XYLB: variants seen among roughly 807,000 people sequenced by gnomAD.
XYLB encodes xylulokinase.
In XYLB, 62 loss-of-function variants were observed where a neutral mutation model predicts 78.7. That is an observed-to-expected ratio of 0.79 (90% CI 0.64 to 0.97). The LOEUF (loss-of-function observed/expected upper bound fraction) is 0.97, where lower values mean the gene tolerates loss of function less well. Among genes scored for constraint, XYLB ranks in the 50% least tolerant of loss-of-function variants. The pLI is 0.00. For missense variants in XYLB, 687 were observed against 676.8 expected, an observed-to-expected ratio of 1.02 and a Z score of -0.17; for synonymous variants, 245 against 247.4, an observed-to-expected ratio of 0.99 and a Z score of 0.09.
chr3:38,401,604 T>A (rs573401630), intron 18 of XYLB, among the ~76,000 whole-genome samples: 1 of 152,322 alleles, frequency 6.6e-6, no homozygotes, highest in Admixed American at 6.5e-5. Context: ...TGAGATGACC[T>A]TTAGAGTTTT....
Position 38,413,547 on chromosome 3 carries a change from G to C in XYLB, c.*534G>C, listed in dbSNP as rs1388730864. 2 of 152,048 alleles carry C rather than the reference G, an allele frequency of 1.3e-5. No individual in the cohort carries two copies. The highest frequency in any genetic ancestry group is 2.4e-5 in the African/African-American group (1 of 41,158). The allele number at this position is 152,048 out of a possible 1,614,324, so 9.4% of individuals were successfully genotyped here. ...TTCTCTCCCACACCCTGCCCTCCTT[G>C]TTTCAGCTGTCTGAGGTGCCTCGCA... On this transcript the variant is annotated 3_prime_UTR_variant, in exon 19 of 19. Transcript: ENST00000207870.
intron 15 of XYLB, among the ~76,000 whole-genome samples, chr3:38,380,295 G>A (rs1209078850): frequency 6.6e-6 from 1 of 152,154 alleles, no homozygotes; most frequent in African/African-American, 2.4e-5. Flanking sequence ...GGCAAAAGGA[G>A]GAGAAAGGGA....
chr3:38,365,981 C>T (rs780964269), intron 6 of XYLB, among the ~76,000 whole-genome samples: 1 of 152,012 alleles, frequency 6.6e-6, no homozygotes, highest in Non-Finnish European at 1.5e-5. Flanking sequence ...GAGGGTACCC[C>T]CTCAATGAGA....
At chr3:38,369,934 T>C in intron 8 of XYLB, 122 bp from the exon 9 acceptor site, 1 of 853,496 alleles carries the variant, frequency 1.2e-6, no homozygotes, top group Non-Finnish European at 2.0e-6. Context: ...ATACCTTCCA[T>C]GAAGAAAGAG....
At chr3:38,410,335 A>G (rs1441544265) in intron 18 of XYLB, among the ~76,000 whole-genome samples, 1 of 152,266 alleles carries the variant, frequency 6.6e-6, no homozygotes, top group African/African-American at 2.4e-5. Flanking sequence ...AGCCATGTGT[A>G]GAAAGCTGAA....
chr3:38,428,117 G>A, the XYLB span, among the ~76,000 whole-genome samples: 7 of 152,246 alleles, frequency 4.6e-5, no homozygotes, highest in African/African-American at 1.7e-4. Flanking sequence ...AATATTAGGG[G>A]ATTTTCCAGA....
At chr3:38,450,952 T>C in the XYLB span, 7 of 152,316 alleles carry the variant, frequency 4.6e-5, no homozygotes, top group South Asian at 8.3e-4. Flanking sequence ...TCAAGTATTG[T>C]TACCGAAACA....
the XYLB span, among the ~76,000 whole-genome samples, chr3:38,442,198 G>A: frequency 6.6e-6 from 1 of 152,202 alleles, no homozygotes; most frequent in Non-Finnish European, 1.5e-5. Flanking sequence ...GCTAAGACTA[G>A]GCCTAGCTAT....
intron 18 of XYLB, among the ~76,000 whole-genome samples, chr3:38,411,293 C>G (rs1332105402): frequency 6.6e-6 from 1 of 151,926 alleles, no homozygotes; most frequent in Non-Finnish European, 1.5e-5. Context: ...AAAAACCAAA[C>G]ACCACATGTT....
intron 15 of XYLB, among the ~76,000 whole-genome samples, chr3:38,394,234 C>G (rs1366304515): frequency 6.6e-6 from 1 of 152,058 alleles, no homozygotes; most frequent in Non-Finnish European, 1.5e-5. Flanking sequence ...TTAATAGAGA[C>G]TTTTGAATTC....
chr3:38,401,106 C>T (rs1202759287), intron 18 of XYLB, 121 bp downstream of exon 18: 4 of 836,060 alleles, frequency 4.8e-6, no homozygotes, highest in Non-Finnish European at 7.7e-6. Flanking sequence ...AGAAATTCTG[C>T]TTTATTGAAA....
At chr3:38,367,927 G>C (rs1410878316) in intron 7 of XYLB, among the ~76,000 whole-genome samples, 1 of 152,148 alleles carries the variant, frequency 6.6e-6, no homozygotes, top group Non-Finnish European at 1.5e-5. Context: ...TAGGGCTTTT[G>C]GTTTTTGTCT....
chr3:38,425,920 T>C (rs1709090921), downstream of XYLB, among the ~76,000 whole-genome samples: 2 of 152,232 alleles, frequency 1.3e-5, no homozygotes, highest in Non-Finnish European at 2.9e-5. Flanking sequence ...TTCTTCCTTG[T>C]ATAATACTGA....
intron 2 of XYLB, among the ~76,000 whole-genome samples, chr3:38,349,007 A>G (rs552564000): frequency 6.6e-6 from 1 of 152,366 alleles, no homozygotes; most frequent in Admixed American, 6.5e-5. Flanking sequence ...GAAGGAAAGG[A>G]ACTCACTTCT....
At chr3:38,421,005 G>T (rs1329449211), downstream of XYLB, among the ~76,000 whole-genome samples, 2 of 152,242 alleles carry the variant, frequency 1.3e-5, no homozygotes, top group Non-Finnish European at 2.9e-5. Context: ...ATCAGCCAGA[G>T]CCTGTTTCTC....
rs375435434 is a variant in XYLB at position 38,376,965 on chromosome 3, C to T, written c.1168C>T (p.His390Tyr). The change falls in exon 14 of 19, where the codon CAT (histidine) becomes TAT (tyrosine). Residue 390 changes from histidine (H) to tyrosine (Y), a missense_variant. His to Tyr is a moderately conservative substitution (Grantham distance 83). Transcript: ENST00000207870. Reference sequence around the variant, plus strand: ...GATCACCCCTGAAATTATTGGACGTCATAGGTTTAACACAGAAAACCACAA... The same window carrying T: ...GATCACCCCTGAAATTATTGGACGTTATAGGTTTAACACAGAAAACCACAA... Reference protein sequence around the residue: ...MEITPEIIGRHRFNTENHKVA... With the variant: ...MEITPEIIGRYRFNTENHKVA... 18 of 1,613,916 alleles carry T rather than the reference C, an allele frequency of 1.1e-5. No homozygotes were observed. The East Asian group carries it at 3.8e-4, about 34-fold the overall frequency.
the XYLB span, among the ~76,000 whole-genome samples, chr3:38,446,666 G>A: frequency 6.6e-6 from 1 of 152,110 alleles, no homozygotes; most frequent in Non-Finnish European, 1.5e-5. Flanking sequence ...CTTATATTGG[G>A]GAATGGAAAC....
intron 4 of XYLB, among the ~76,000 whole-genome samples, chr3:38,364,067 G>A (rs974468446): frequency 6.6e-6 from 1 of 151,836 alleles, no homozygotes; most frequent in Non-Finnish European, 1.5e-5. Context: ...GCTAATCCCC[G>A]ACCCCCATGG....
At chr3:38,350,124 T>C (rs79709749) in intron 2 of XYLB, among the ~76,000 whole-genome samples, 4,770 of 152,294 alleles carry the variant, frequency 0.031, 116 homozygotes, top group Middle Eastern at 0.061. Context: ...CTGTCTGTTT[T>C]AGACACACTT....
Sources: gnomAD v4.1 joint callset for allele counts (sites outside exome capture counted in the v4.1 genomes callset) on GRCh38, gnomAD v4.1.1 for gene constraint, MANE v1.5 for transcripts, NCBI Gene and HGNC (gene_info 2026-07-23, HGNC 2026-07-21) for gene names.